PAM: variants seen among roughly 807,000 people sequenced by gnomAD.
PAM encodes peptidylglycine alpha-amidating monooxygenase.
In PAM, 72 loss-of-function variants were observed where a neutral mutation model predicts 122.1. The observed-to-expected ratio is 0.59, with a 90% CI of 0.49 to 0.72. The LOEUF is 0.72. Ranked by LOEUF, PAM falls within the 30% of genes least tolerant of loss-of-function variation. The pLI is 0.00. For missense variants in PAM, 1,106 were observed against 1,183.7 expected (o/e 0.93, Z 0.96); for synonymous variants, 389 against 404.4 (o/e 0.96, Z 0.46).
chr5:102,794,593 A>G (rs1379291753), intron 1 of PAM, among the ~76,000 whole-genome samples: 2 of 152,176 alleles, frequency 1.3e-5, no homozygotes, highest in Non-Finnish European at 2.9e-5. Context: ...AACTGAAGAT[A>G]GTTTGATTCA....
intron 1 of PAM, among the ~76,000 whole-genome samples, chr5:102,863,949 T>A (rs900924825): frequency 2.0e-5 from 3 of 151,132 alleles, no homozygotes; most frequent in African/African-American, 7.3e-5. Context: ...TTTCTTTAAG[T>A]GGGTGGTTTA....
intron 24 of PAM, among the ~76,000 whole-genome samples, chr5:103,026,253 G>A (rs1784906108): frequency 6.6e-6 from 1 of 152,120 alleles, no homozygotes; most frequent in Non-Finnish European, 1.5e-5. Flanking sequence ...CAAGTCTATA[G>A]CTGTGTGTGG....
intron 1 of PAM, among the ~76,000 whole-genome samples, chr5:102,807,865 A>C (rs1766654104): frequency 6.6e-6 from 1 of 150,752 alleles, no homozygotes; most frequent in South Asian, 2.1e-4. Flanking sequence ...GAATGATGCT[A>C]ATAGAATCAT....
intron 1 of PAM, among the ~76,000 whole-genome samples, chr5:102,823,032 G>A (rs571217871): frequency 2.4e-4 from 36 of 151,950 alleles, no homozygotes; most frequent in Non-Finnish European, 4.1e-4. Flanking sequence ...GTTTTATTTC[G>A]TTTTTTTCCC....
intron 1 of PAM, among the ~76,000 whole-genome samples, chr5:102,806,678 T>C (rs37012): frequency 0.69 from 105,580 of 152,106 alleles, 37,113 homozygotes; most frequent in South Asian, 0.8. Context: ...GAAGAACAAA[T>C]GAAAGAATAG....
rs201016377 is a variant in PAM, at chr5:102,866,161, C to G, written c.-35C>G. On this transcript the variant is annotated 5_prime_UTR_variant, in exon 2 of 26. Coordinates refer to ENST00000438793, the MANE Select transcript of PAM (RefSeq NM_001177306.2). ...AGCCCCAGCCCCGCGCTGCGCTGCC[C>G]GGTCCTCTCCCGGCGGGGTCGTATC... is the stretch of plus-strand genomic sequence containing the variant. 4.8e-4 allele frequency: 705 copies of G among 1,477,618 alleles called. 3 individuals are homozygous for G. Among genetic ancestry groups the G allele is most frequent in the Middle Eastern group, 1.8e-4 (1 of 5,592 alleles). The allele number at this position is 1,477,618 out of a possible 1,614,324, so 91.5% of individuals were successfully genotyped here. A position where few individuals can be genotyped will look rare whatever the true frequency, so the allele number is the denominator to read the frequency against.
rs780428273 is a variant in PAM at position 102,988,826 on chromosome 5, G to T, written c.1484-1446G>T. ...TTTTGTTAATTTTTATTAAAAAAAT[G>T]TACAAAGTTTAAAATATTTTGGGTG... On this transcript the variant is annotated intron_variant, in intron 15 of 25. Coordinates refer to ENST00000438793, the MANE Select transcript of PAM (RefSeq NM_001177306.2). 5.9e-5 allele frequency among the ~76,000 whole-genome samples: 9 copies of T among 152,292 alleles called. No individual in the cohort carries two copies. The South Asian group carries it at 1.5e-3, about 25-fold the overall frequency.
At chr5:103,002,284 G>T (rs1282765149) in intron 16 of PAM, among the ~76,000 whole-genome samples, 1 of 151,844 alleles carries the variant, frequency 6.6e-6, no homozygotes, top group Non-Finnish European at 1.5e-5. Context: ...AATTTTGAAA[G>T]TATATATATA....
chr5:102,970,926 C>T (rs2150390830), intron 14 of PAM, among the ~76,000 whole-genome samples: 1 of 152,222 alleles, frequency 6.6e-6, no homozygotes, highest in Non-Finnish European at 1.5e-5. Flanking sequence ...CGTGCCTCCG[C>T]CTCCTAAGTA....
intron 1 of PAM, among the ~76,000 whole-genome samples, chr5:102,800,048 C>T (rs1764293373): frequency 6.6e-6 from 1 of 152,196 alleles, no homozygotes; most frequent in South Asian, 2.1e-4. Context: ...AATTACCTGG[C>T]TCCTTTATTT....
At chr5:102,810,330 G>C (rs1353014559) in intron 1 of PAM, among the ~76,000 whole-genome samples, 2 of 152,142 alleles carry the variant, frequency 1.3e-5, no homozygotes, top group African/African-American at 4.8e-5. Context: ...TCAGGGAGTA[G>C]TTCCAAGTAG....
intron 4 of PAM, among the ~76,000 whole-genome samples, chr5:102,906,189 A>T (rs111284963): frequency 6.6e-6 from 1 of 151,738 alleles, no homozygotes; most frequent in Non-Finnish European, 1.5e-5. Context: ...AATGTCTTCA[A>T]TTAGGTACAT....
chr5:102,803,702 T>C (rs1765490146), intron 1 of PAM, among the ~76,000 whole-genome samples: 1 of 152,128 alleles, frequency 6.6e-6, no homozygotes, highest in African/African-American at 2.4e-5. Flanking sequence ...ATTGAAAAAA[T>C]TGAATTTTAA....
At chr5:103,011,599 T>C (rs1397022641) in intron 21 of PAM, among the ~76,000 whole-genome samples, 1 of 152,212 alleles carries the variant, frequency 6.6e-6, no homozygotes, top group Non-Finnish European at 1.5e-5. Flanking sequence ...AGAGTCTTAT[T>C]CTTTTTGTGG....
At chr5:103,015,634 G>T (rs1190101922) in intron 21 of PAM, among the ~76,000 whole-genome samples, 1 of 152,120 alleles carries the variant, frequency 6.6e-6, no homozygotes, top group Non-Finnish European at 1.5e-5. Context: ...GACATAATGA[G>T]TCTTCATAAT....
chr5:102,877,954 G>A (rs1225630550), intron 3 of PAM, among the ~76,000 whole-genome samples: 4 of 151,960 alleles, frequency 2.6e-5, no homozygotes, highest in Admixed American at 6.6e-5. Flanking sequence ...CTTGAGCCCA[G>A]GGAGTTGAAG....
rs2150963277 is a variant in PAM at position 102,867,391 on chromosome 5, C to G, written c.208C>G (p.Gln70Glu). 6.2e-7 allele frequency: 1 copy of G among 1,606,288 alleles called. No homozygotes were observed. The highest frequency in any genetic ancestry group is 2.2e-5 in the East Asian group (1 of 44,748). The change falls in exon 3 of 26, where the codon CAG (glutamine) becomes GAG (glutamate). Residue 70 changes from glutamine (Q) to glutamate (E), a missense_variant and splice_region_variant. Physicochemically the swap from Gln to Glu is conservative, Grantham distance 29. Around this residue, in one of 3 missense-constraint regions of PAM, gnomAD observed 670 missense variants for 690.3 expected, o/e 0.97. Coordinates refer to ENST00000438793, the MANE Select transcript of PAM (RefSeq NM_001177306.2). ...DIRMPGVTPKQSDTYFCMSMR... is the reference protein window; with the variant it reads ...DIRMPGVTPKESDTYFCMSMR... ...TCGCATGCCTGGGGTTACACCTAAACAGGTGAGAGGAATTTTGTCTTTCAT... is the reference window on the plus strand; with the variant it reads ...TCGCATGCCTGGGGTTACACCTAAAGAGGTGAGAGGAATTTTGTCTTTCAT...
chr5:102,935,591 G>C (rs569463928), intron 7 of PAM, among the ~76,000 whole-genome samples: 26 of 152,002 alleles, frequency 1.7e-4, no homozygotes, highest in Non-Finnish European at 3.4e-4. Context: ...ATCCTAACAG[G>C]TTCCACCAAA....
At chr5:102,784,183 G>A (rs549614733) in intron 1 of PAM, among the ~76,000 whole-genome samples, 1 of 151,636 alleles carries the variant, frequency 6.6e-6, no homozygotes, top group South Asian at 2.1e-4. Flanking sequence ...GTGAGCCACC[G>A]CGCCCGGCTG....
Sources: gnomAD v4.1 joint callset for allele counts (sites outside exome capture counted in the v4.1 genomes callset) on GRCh38, gnomAD v4.1.1 for gene constraint, gnomAD v4.1.1 regional missense constraint, MANE v1.5 for transcripts, NCBI Gene and HGNC (gene_info 2026-07-23, HGNC 2026-07-21) for gene names.